Variants in ZBTB2 observed in about 807,000 individuals in gnomAD.
ZBTB2 encodes the protein zinc finger and BTB domain-containing protein 2.
Under a neutral mutation model 39.5 loss-of-function variants are expected in ZBTB2, and 2 were observed. The ratio of observed to expected loss-of-function variants is 0.05; its 90% CI spans 0.02 to 0.16. The LOEUF is 0.16. Ranked by LOEUF, ZBTB2 falls within the 10% of genes least tolerant of loss-of-function variation. The pLI, the probability that ZBTB2 is intolerant of heterozygous loss-of-function variation, is 1.00. For missense variants in ZBTB2, 391 were observed against 653.0 expected (o/e 0.60, Z 4.37); for synonymous variants, 251 against 256.6 (o/e 0.98, Z 0.21).
chr6:151,386,766 G>A (rs1160903418), intron 1 of ZBTB2, among the ~76,000 whole-genome samples: 1 of 152,000 alleles, frequency 6.6e-6, no homozygotes, highest in East Asian at 1.9e-4. Context: ...TTTTGGTGTT[G>A]GGATCCCTTA....
chr6:151,386,949 T>C (rs887017675), intron 1 of ZBTB2, among the ~76,000 whole-genome samples: 2 of 152,194 alleles, frequency 1.3e-5, no homozygotes, highest in African/African-American at 4.8e-5. Context: ...TTTTCTAAAA[T>C]AACAAAGTGG....
At chr6:151,371,508 A>G (rs1038972762) in intron 2 of ZBTB2, among the ~76,000 whole-genome samples, 2 of 152,158 alleles carry the variant, frequency 1.3e-5, no homozygotes, top group African/African-American at 2.4e-5. Context: ...TGGGCAGGAT[A>G]CCAGCAAAAT....
At chr6:151,390,182 C>T in intron 1 of ZBTB2, among the ~76,000 whole-genome samples, 1 of 151,886 alleles carries the variant, frequency 6.6e-6, no homozygotes, top group Non-Finnish European at 1.5e-5. Flanking sequence ...TGGGGCCCGG[C>T]CTGCAGCCTC....
chr6:151,373,844 A>T (rs919231335), intron 1 of ZBTB2, among the ~76,000 whole-genome samples, 195 bp from the exon 2 acceptor site: 2 of 31,836 alleles, frequency 6.3e-5, no homozygotes, highest in South Asian at 1.1e-3. Context: ...TTATGCCTTT[A>T]AAAAAAAAAA....
chr6:151,386,120 T>C (rs1160726088), intron 1 of ZBTB2, among the ~76,000 whole-genome samples: 6 of 152,152 alleles, frequency 3.9e-5, no homozygotes. Flanking sequence ...AGGGACATCT[T>C]AGGTGTCAAA....
chr6:151,387,876 G>A (rs1168377887), intron 1 of ZBTB2, among the ~76,000 whole-genome samples: 1 of 152,086 alleles, frequency 6.6e-6, no homozygotes, highest in African/African-American at 2.4e-5. Flanking sequence ...CCTTGTAAGG[G>A]TTCTGTGGCT....
chr6:151,366,795 C>T lies in ZBTB2; in HGVS notation c.271G>A (p.Asp91Asn). The T allele has an allele frequency of 1.9e-6, 3 of 1,614,028 alleles. No individual in the cohort carries two copies. Among genetic ancestry groups the T allele is most frequent in the Non-Finnish European group, 2.5e-6 (3 of 1,180,020 alleles). Residue 91 changes from aspartate to asparagine, a missense_variant, in exon 3 of 3, where the codon GAC becomes AAC. Asp to Asn is a conservative substitution (Grantham distance 23). Transcript: ENST00000325144. The surrounding 1 kb of genome is among the most constrained non-coding windows in gnomAD (Gnocchi z 7.1). Reference protein sequence around the residue: ...YTGKMAPQLIDPVRLEQGIKF... With the variant: ...YTGKMAPQLINPVRLEQGIKF... ...ATGCCCTGTTCTAATCGAACCGGGTCGATGAGCTGAGGCGCCATCTTCCCA... is the reference window on the plus strand; with the variant it reads ...ATGCCCTGTTCTAATCGAACCGGGTTGATGAGCTGAGGCGCCATCTTCCCA...
chr6:151,382,137 A>G (rs1159674392), intron 1 of ZBTB2, among the ~76,000 whole-genome samples: 1 of 152,244 alleles, frequency 6.6e-6, no homozygotes, highest in Admixed American at 6.5e-5. Flanking sequence ...AAACAGCTAA[A>G]CACAAAAAAC....
chr6:151,388,065 A>ATTTT (rs34664650), intron 1 of ZBTB2, among the ~76,000 whole-genome samples: 5 of 148,800 alleles, frequency 3.4e-5, no homozygotes, highest in Non-Finnish European at 4.5e-5. Flanking sequence ...GAATGTTTAC[A>ATTTT]TTTTTTTTTT....
chr6:151,365,278 T>C lies in ZBTB2; in HGVS notation c.*243A>G, dbSNP rs1434946123. The C allele has an allele frequency of 7.3e-6, 3 of 413,400 alleles. No homozygotes were observed. Among genetic ancestry groups the C allele is most frequent in the East Asian group, 4.4e-5 (1 of 22,766 alleles). The allele number at this position is 413,400 out of a possible 1,614,324, so 25.6% of individuals were successfully genotyped here. ...TGAATAATCTAAAACCTCTCAAAAT[T>C]TGAGTTTATAAGTATAATGACCATT... On this transcript the variant is annotated 3_prime_UTR_variant, in exon 3 of 3. Coordinates refer to ENST00000325144, the MANE Select transcript of ZBTB2 (RefSeq NM_020861.3). The surrounding 1 kb of genome is among the most constrained non-coding windows in gnomAD (Gnocchi z 5.6).
intron 1 of ZBTB2, among the ~76,000 whole-genome samples, chr6:151,384,831 T>C (rs1468898593): frequency 6.6e-6 from 1 of 152,170 alleles, no homozygotes; most frequent in African/African-American, 2.4e-5. Flanking sequence ...ACACTGTAGT[T>C]GAGAGAGGTT....
Position 151,366,272 on chromosome 6 carries a change from A to T in ZBTB2, c.794T>A (p.Leu265His). The stretch of plus-strand genomic sequence containing the variant: ...GAGGTGTTCACGTAAGCTGCTCCGG[A>T]GAGTGAAGCGCCGTCCACACAGGTG... ...ACHLCGRRFT[L>H]RSSLREHLQI... is the part of the protein sequence containing the mutation. Residue 265 changes from leucine to histidine, a missense_variant, in exon 3 of 3, where the codon CTC becomes CAC. By Grantham distance (99) the Leu-to-His change is moderately conservative. This residue lies in a region of ZBTB2 where 80 missense variants were observed against 125.2 expected (regional missense o/e 0.64). Transcript: ENST00000325144. The surrounding 1 kb of genome is among the most constrained non-coding windows in gnomAD (Gnocchi z 7.1). The T allele has an allele frequency of 6.2e-7, 1 of 1,613,974 alleles. No individual in the cohort carries two copies. Among genetic ancestry groups the T allele is most frequent in the Non-Finnish European group, 8.5e-7 (1 of 1,179,986 alleles).
chr6:151,385,049 C>T (rs1244859184), intron 1 of ZBTB2, among the ~76,000 whole-genome samples: 2 of 149,318 alleles, frequency 1.3e-5, no homozygotes, highest in Non-Finnish European at 3.0e-5. Context: ...TTAAAAAAAA[C>T]CCAACTAAAT....
intron 1 of ZBTB2, among the ~76,000 whole-genome samples, chr6:151,382,445 G>C (rs1370430640): frequency 6.6e-6 from 1 of 151,878 alleles, no homozygotes; most frequent in African/African-American, 2.4e-5. Context: ...AGTAGAGAGG[G>C]GGTTTCTCCA....
At chr6:151,380,002 A>T (rs1778996882) in intron 1 of ZBTB2, among the ~76,000 whole-genome samples, 1 of 152,202 alleles carries the variant, frequency 6.6e-6, no homozygotes, top group Admixed American at 6.5e-5. Flanking sequence ...GTTATTTTAG[A>T]ATCTCAATTT....
intron 1 of ZBTB2, among the ~76,000 whole-genome samples, chr6:151,390,388 G>A (rs557049452): frequency 2.0e-5 from 3 of 149,966 alleles, no homozygotes; most frequent in African/African-American, 4.9e-5. Context: ...GGGGGAGGGA[G>A]GGGCGACGCA....
intron 1 of ZBTB2, among the ~76,000 whole-genome samples, chr6:151,376,109 C>A (rs965753056): frequency 3.9e-5 from 6 of 152,062 alleles, no homozygotes; most frequent in Admixed American, 3.9e-4. Context: ...AAATGGTGCA[C>A]GATCTACTGG....
intron 2 of ZBTB2, among the ~76,000 whole-genome samples, chr6:151,368,891 T>TAG (rs1778715220): frequency 1.3e-5 from 2 of 151,564 alleles, no homozygotes; most frequent in Non-Finnish European, 2.9e-5. Context: ...GCCTCCCAAG[T>TAG]TGGGATTACA....
At chr6:151,381,566 T>A (rs929531175) in intron 1 of ZBTB2, among the ~76,000 whole-genome samples, 2 of 151,734 alleles carry the variant, frequency 1.3e-5, no homozygotes, top group African/African-American at 4.8e-5. Context: ...AATAAATAAA[T>A]AAAATCCTTC....
Sources: gnomAD v4.1 joint callset for allele counts (sites outside exome capture counted in the v4.1 genomes callset) on GRCh38, gnomAD v4.1.1 for gene constraint, gnomAD v4.1.1 regional missense constraint, Gnocchi (gnomAD v3.1) non-coding constraint, MANE v1.5 for transcripts, NCBI Gene and HGNC (gene_info 2026-07-23, HGNC 2026-07-21) for gene names.